The following RBFOX1 variants were observed in gnomAD, a reference collection of about 807,000 sequenced individuals.
The protein encoded by RBFOX1 is RNA binding fox-1 homolog 1.
A neutral mutation model predicts 57.7 loss-of-function variants in RBFOX1; 8 were observed. The observed-to-expected ratio is 0.14, with a 90% CI of 0.08 to 0.25. RBFOX1 has a LOEUF of 0.25. RBFOX1 is among the 10% of genes least tolerant of loss of function. The pLI, the probability that RBFOX1 is intolerant of heterozygous loss-of-function variation, is 1.00. For synonymous variants in RBFOX1, 326 were observed against 222.4 expected, an observed-to-expected ratio of 1.47 and a Z score of -4.15; for missense variants, 611 against 548.5, an observed-to-expected ratio of 1.11 and a Z score of -1.14.
chr16:6,287,906 C>T (rs2077062610), intron 1 of RBFOX1, among the ~76,000 whole-genome samples: 1 of 152,052 alleles, frequency 6.6e-6, no homozygotes. Flanking sequence ...TCTAGCTTAC[C>T]CATGCTTTCC....
chr16:6,288,475 C>T (rs1321166209), intron 1 of RBFOX1, among the ~76,000 whole-genome samples: 1 of 152,140 alleles, frequency 6.6e-6, no homozygotes, highest in Non-Finnish European at 1.5e-5. Context: ...AAATAAGGTC[C>T]ATGCATCATA....
intron 4 of RBFOX1, among the ~76,000 whole-genome samples, chr16:7,203,054 G>C (rs2089024566): frequency 6.6e-6 from 1 of 152,164 alleles, no homozygotes; most frequent in Non-Finnish European, 1.5e-5. Flanking sequence ...CCAAAGTGCT[G>C]GGATTACAGG....
intron 1 of RBFOX1, among the ~76,000 whole-genome samples, chr16:6,230,269 C>G (rs1301376258): frequency 6.6e-6 from 1 of 152,014 alleles, no homozygotes; most frequent in Non-Finnish European, 1.5e-5. Context: ...CGATTGGACA[C>G]TTACTATATG....
intron 2 of RBFOX1, among the ~76,000 whole-genome samples, chr16:5,544,521 A>G (rs898060346): frequency 1.3e-5 from 2 of 152,226 alleles, no homozygotes; most frequent in Admixed American, 6.5e-5. Context: ...CAAAGTAAGC[A>G]GGGAAAAATA....
At chr16:6,833,769 T>C (rs911690715) in intron 3 of RBFOX1, among the ~76,000 whole-genome samples, 1 of 152,158 alleles carries the variant, frequency 6.6e-6, no homozygotes, top group Non-Finnish European at 1.5e-5. Flanking sequence ...GGAAGGTTCA[T>C]TGAAGGTCTC....
chr16:7,590,722 G>A (rs1330913059), intron 7 of RBFOX1, among the ~76,000 whole-genome samples: 1 of 152,008 alleles, frequency 6.6e-6, no homozygotes, highest in East Asian at 1.9e-4. Context: ...AGCAGGGTGT[G>A]GTGGTGCATG....
intron 1 of RBFOX1, among the ~76,000 whole-genome samples, chr16:5,295,575 G>A (rs936574572): frequency 3.2e-4 from 48 of 152,116 alleles, no homozygotes; most frequent in Admixed American, 3.1e-3. Context: ...GCAGGCTGCT[G>A]GACTCAGGGC....
intron 3 of RBFOX1, among the ~76,000 whole-genome samples, chr16:6,760,132 C>G (rs939076678): frequency 3.6e-4 from 54 of 151,694 alleles, no homozygotes; most frequent in African/African-American, 1.2e-3. Flanking sequence ...AATATGTTTT[C>G]TTAAGAAAAA....
intron 4 of RBFOX1, among the ~76,000 whole-genome samples, chr16:7,213,780 T>G (rs1269500013): frequency 6.6e-6 from 1 of 152,164 alleles, no homozygotes; most frequent in Non-Finnish European, 1.5e-5. Flanking sequence ...ATAAACCAAC[T>G]CAAATCTACT....
chr16:6,987,817 G>C (rs1414960941), intron 3 of RBFOX1, among the ~76,000 whole-genome samples: 1 of 152,158 alleles, frequency 6.6e-6, no homozygotes, highest in African/African-American at 2.4e-5. Context: ...CTGGTCCGTG[G>C]AGTGACAGAA....
intron 4 of RBFOX1, among the ~76,000 whole-genome samples, chr16:7,353,318 G>A (rs762660231): frequency 1.3e-5 from 2 of 152,164 alleles, no homozygotes; most frequent in Non-Finnish European, 2.9e-5. Context: ...AGCAAGAAGT[G>A]TCAGCAAAGA....
At chr16:5,736,140 C>T (rs1355470269) in intron 3 of RBFOX1, among the ~76,000 whole-genome samples, 1 of 152,026 alleles carries the variant, frequency 6.6e-6, no homozygotes, top group Non-Finnish European at 1.5e-5. Flanking sequence ...TTTTGTTACA[C>T]GTGGACCCGT....
chr16:7,091,057 C>G (rs182145847), intron 4 of RBFOX1, among the ~76,000 whole-genome samples: 6 of 152,220 alleles, frequency 3.9e-5, no homozygotes, highest in African/African-American at 1.4e-4. Context: ...CCACTCAAGT[C>G]TTGGACCAAA....
intron 2 of RBFOX1, among the ~76,000 whole-genome samples, chr16:6,322,233 A>T (rs2081892411): frequency 6.6e-6 from 1 of 152,162 alleles, no homozygotes; most frequent in Non-Finnish European, 1.5e-5. Flanking sequence ...CTTCCCTTGG[A>T]TCCCAGCCAA....
chr16:6,046,785 C>G (rs779993506), intron 1 of RBFOX1, among the ~76,000 whole-genome samples: 4 of 152,196 alleles, frequency 2.6e-5, no homozygotes, highest in Non-Finnish European at 4.4e-5. Context: ...CATGGAACAT[C>G]TGGCCAAAGT....
intron 3 of RBFOX1, among the ~76,000 whole-genome samples, chr16:5,782,503 A>G (rs1279777911): frequency 6.6e-6 from 1 of 152,138 alleles, no homozygotes; most frequent in Non-Finnish European, 1.5e-5. Flanking sequence ...GATTAAATTA[A>G]ATTTTCACCA....
At chr16:6,987,275 G>T (rs1341075741) in intron 3 of RBFOX1, among the ~76,000 whole-genome samples, 1 of 152,120 alleles carries the variant, frequency 6.6e-6, no homozygotes, top group Non-Finnish European at 1.5e-5. Flanking sequence ...ATTCATGCTG[G>T]ATGGAATCTT....
chr16:5,909,831 C>A (rs1473642879), intron 4 of RBFOX1, among the ~76,000 whole-genome samples: 1 of 152,110 alleles, frequency 6.6e-6, no homozygotes, highest in Non-Finnish European at 1.5e-5. Flanking sequence ...GCGGGCAGAT[C>A]ACTTGAGGTC....
intron 2 of RBFOX1, among the ~76,000 whole-genome samples, chr16:5,526,661 G>A (rs1248879284): frequency 6.6e-6 from 1 of 152,148 alleles, no homozygotes; most frequent in African/African-American, 2.4e-5. Flanking sequence ...AAACAGGCTG[G>A]CATCCCAGCC....
Sources: allele counts gnomAD v4.1 joint callset (sites outside exome capture counted in the v4.1 genomes callset), GRCh38; gene constraint gnomAD v4.1.1; transcripts MANE v1.5; gene names NCBI Gene and HGNC (gene_info 2026-07-23, HGNC 2026-07-21).